Variants in SLC39A11 observed in about 807,000 individuals in gnomAD.
The protein encoded by SLC39A11 is zinc transporter ZIP11.
Under a neutral mutation model 36.1 loss-of-function variants are expected in SLC39A11, and 33 were observed. That is an observed-to-expected ratio of 0.91 (90% confidence interval 0.69 to 1.22). The LOEUF (loss-of-function observed/expected upper bound fraction) is 1.22. Among genes scored for constraint, SLC39A11 ranks in the 50% most tolerant of loss-of-function variants. The pLI is 0.00. For synonymous variants in SLC39A11, 166 were observed against 170.3 expected (o/e 0.97, Z 0.20); for missense variants, 432 against 430.3 (o/e 1.00, Z -0.03).
chr17:73,012,124 A>G (rs1036721776), intron 4 of SLC39A11, among the ~76,000 whole-genome samples: 2 of 151,722 alleles, frequency 1.3e-5, no homozygotes, highest in Non-Finnish European at 2.9e-5. Context: ...AAAAATAGAA[A>G]AACTAGCCGG....
At chr17:72,680,907 ATGCTGCTGTG>A (rs2071483971) in intron 7 of SLC39A11, among the ~76,000 whole-genome samples, 1 of 152,158 alleles carries the variant, frequency 6.6e-6, no homozygotes, top group African/African-American at 2.4e-5. Flanking sequence ...ATTGTAAATA[ATGCTGCTGTG>A]AACAGTGGTG....
At chr17:72,899,899 T>C (rs1047940278) in intron 5 of SLC39A11, among the ~76,000 whole-genome samples, 6 of 142,166 alleles carry the variant, frequency 4.2e-5, no homozygotes, top group African/African-American at 1.6e-4. Flanking sequence ...GAGGTGGAGG[T>C]TGCAGTGAGC....
At chr17:72,955,298 CTTTTTTTTT>C (rs71359751) in intron 4 of SLC39A11, among the ~76,000 whole-genome samples, 11 of 65,574 alleles carry the variant, frequency 1.7e-4, no homozygotes, top group Middle Eastern at 0.019. Context: ...TTTCAGTTCT[CTTTTTTTTT>C]TTTTTTTTTT....
intron 7 of SLC39A11, among the ~76,000 whole-genome samples, chr17:72,702,208 C>T (rs563195387): frequency 6.6e-6 from 1 of 152,356 alleles, no homozygotes; most frequent in East Asian, 1.9e-4. Context: ...CAAGCTAACC[C>T]TATCTTCCTG....
intron 4 of SLC39A11, among the ~76,000 whole-genome samples, chr17:72,949,144 C>CTTTTTTCTTTTTTTTTT (rs2085663337): frequency 2.7e-5 from 1 of 36,474 alleles, no homozygotes; most frequent in Non-Finnish European, 5.4e-5. Context: ...CACTGGGCAG[C>CTTTTTTCTTTTTTTTTT]TTTTTTTTTT....
intron 3 of SLC39A11, among the ~76,000 whole-genome samples, chr17:73,069,009 C>T (rs566951247): frequency 1.2e-4 from 18 of 152,316 alleles, no homozygotes; most frequent in African/African-American, 4.3e-4. Flanking sequence ...CAACCTACCT[C>T]TCTGGCATCA....
At chr17:72,770,987 T>A (rs994706435) in intron 6 of SLC39A11, among the ~76,000 whole-genome samples, 1 of 151,982 alleles carries the variant, frequency 6.6e-6, no homozygotes, top group Non-Finnish European at 1.5e-5. Context: ...TTATAATGAA[T>A]CTTAATGATG....
intron 6 of SLC39A11, among the ~76,000 whole-genome samples, chr17:72,752,951 G>GA (rs1203598645): frequency 6.6e-6 from 1 of 152,086 alleles, no homozygotes; most frequent in Non-Finnish European, 1.5e-5. Flanking sequence ...GACCTCCTGG[G>GA]CCCAACCAAT....
chr17:72,808,254 C>T lies in SLC39A11; in HGVS notation c.601+41380G>A, dbSNP rs577674824. On this transcript the variant is annotated intron_variant, in intron 6 of 9. Coordinates refer to ENST00000255559, the MANE Select transcript of SLC39A11 (RefSeq NM_139177.4). Reference sequence around the variant, plus strand: ...TCCAGTCATCTTTTTGGTAGGTGGACCTCCAAATATCAATGTTTTGAAACT... The same window carrying T: ...TCCAGTCATCTTTTTGGTAGGTGGATCTCCAAATATCAATGTTTTGAAACT... 3.2e-3 allele frequency among the ~76,000 whole-genome samples: 491 copies of T among 152,232 alleles called. 1 individual carries two copies. Among genetic ancestry groups the T allele is most frequent in the Non-Finnish European group, 5.1e-3 (346 of 68,018 alleles).
intron 2 of SLC39A11, among the ~76,000 whole-genome samples, chr17:73,088,304 A>G (rs1386483389): frequency 6.7e-6 from 1 of 148,150 alleles, no homozygotes; most frequent in African/African-American, 2.6e-5. Flanking sequence ...AAAAAAAAAA[A>G]GAAAAAAGAA....
At chr17:72,873,315 G>C (rs2080740849) in intron 5 of SLC39A11, among the ~76,000 whole-genome samples, 1 of 152,098 alleles carries the variant, frequency 6.6e-6, no homozygotes, top group Non-Finnish European at 1.5e-5. Context: ...CAAGAAGATA[G>C]CTTCAACCCT....
intron 4 of SLC39A11, among the ~76,000 whole-genome samples, chr17:73,003,595 A>T (rs1458693989): frequency 6.6e-6 from 1 of 152,142 alleles, no homozygotes; most frequent in Non-Finnish European, 1.5e-5. Context: ...AAGCAATCTG[A>T]GTCTACATGA....
chr17:72,810,714 C>G (rs2077408180), intron 6 of SLC39A11, among the ~76,000 whole-genome samples: 1 of 151,254 alleles, frequency 6.6e-6, no homozygotes, highest in Non-Finnish European at 1.5e-5. Context: ...AAGACAAAGT[C>G]TCACTCTGTT....
At chr17:73,024,639 G>A (rs1040780385) in intron 4 of SLC39A11, among the ~76,000 whole-genome samples, 1 of 152,116 alleles carries the variant, frequency 6.6e-6, no homozygotes, top group African/African-American at 2.4e-5. Flanking sequence ...TAAGACAGTT[G>A]TCATATTTGT....
intron 3 of SLC39A11, among the ~76,000 whole-genome samples, chr17:73,036,879 T>A (rs1051679835): frequency 6.6e-6 from 1 of 152,230 alleles, no homozygotes; most frequent in Non-Finnish European, 1.5e-5. Context: ...GTGCTCCACC[T>A]ATTTATTCAT....
rs557686262 is a variant in SLC39A11 at position 72,660,492 on chromosome 17, G to A, written c.672-11224C>T. ...CTGGCCCTGAAGGTTGTGGAGCTGG[G>A]AAGTGACAGAGCAGGGCCTCCTAAC... On this transcript the variant is annotated intron_variant, in intron 7 of 9. Coordinates refer to ENST00000255559, the MANE Select transcript of SLC39A11 (RefSeq NM_139177.4). Among the ~76,000 whole-genome samples, 4 of 152,296 alleles carry A rather than the reference G, an allele frequency of 2.6e-5. No homozygotes were observed. In the South Asian group the frequency reaches 8.3e-4, roughly 32 times the overall value.
At chr17:73,087,156 T>C (rs1267226837) in intron 2 of SLC39A11, among the ~76,000 whole-genome samples, 1 of 152,190 alleles carries the variant, frequency 6.6e-6, no homozygotes, top group East Asian at 1.9e-4. Context: ...CAATCACCAT[T>C]CTACAATGTG....
chr17:72,710,378 T>G (rs192782321), intron 7 of SLC39A11, among the ~76,000 whole-genome samples: 12 of 152,344 alleles, frequency 7.9e-5, no homozygotes, highest in Admixed American at 2.0e-4. Flanking sequence ...AAAGACCCAG[T>G]GCAGTAGTAT....
chr17:72,839,834 G>A (rs1392939166), intron 6 of SLC39A11: 1 of 152,224 alleles, frequency 6.6e-6, no homozygotes, highest in Non-Finnish European at 1.5e-5. Context: ...GAAGTGGTTA[G>A]GTGATGGTAA....
Sources: allele counts gnomAD v4.1 joint callset (sites outside exome capture counted in the v4.1 genomes callset), GRCh38; gene constraint gnomAD v4.1.1; transcripts MANE v1.5; gene names NCBI Gene and HGNC (gene_info 2026-07-23, HGNC 2026-07-21).